Variants in RAPGEF1 observed in about 807,000 individuals in gnomAD.
The protein encoded by RAPGEF1 is CRK SH3-binding GNRP.
In RAPGEF1, 33 loss-of-function variants were observed where a neutral mutation model predicts 143.3. That is an observed-to-expected ratio of 0.23 (90% CI 0.17 to 0.31). RAPGEF1 has a LOEUF of 0.31. Ranked by LOEUF, RAPGEF1 falls within the 10% of genes least tolerant of loss-of-function variation. The pLI, the probability that RAPGEF1 is intolerant of heterozygous loss-of-function variation, is 1.00. For synonymous variants in RAPGEF1, 629 were observed against 676.5 expected, an observed-to-expected ratio of 0.93 and a Z score of 1.09; for missense variants, 1,199 against 1,645.4, an observed-to-expected ratio of 0.73 and a Z score of 4.69.
intron 12 of RAPGEF1, among the ~76,000 whole-genome samples, chr9:131,616,326 G>C (rs947614701): frequency 6.6e-6 from 1 of 152,066 alleles, no homozygotes; most frequent in African/African-American, 2.4e-5. Flanking sequence ...TAATTAATAT[G>C]TGTGCAGATG....
intron 24 of RAPGEF1, 64 bp from the exon 25 acceptor site, chr9:131,582,766 A>G (rs1952068762): frequency 1.4e-6 from 2 of 1,404,734 alleles, no homozygotes; most frequent in Admixed American, 2.4e-5. Context: ...ATGCTGGGGC[A>G]GAGCCCTGGT....
At chr9:131,581,979 C>T (rs1439413354) in intron 25 of RAPGEF1, among the ~76,000 whole-genome samples, 1 of 152,216 alleles carries the variant, frequency 6.6e-6, no homozygotes, top group Non-Finnish European at 1.5e-5. Flanking sequence ...TGCTGCTGCG[C>T]TTTTGGTCTC....
Position 131,619,154 on chromosome 9 carries a change from G to A in RAPGEF1, c.1958C>T (p.Thr653Ile). Residue 653 changes from threonine (T) to isoleucine (I), a missense_variant, in exon 12 of 27, where the codon ACT becomes ATT. Thr to Ile is a moderately conservative substitution (Grantham distance 89). Around this residue, in one of 6 missense-constraint regions of RAPGEF1, gnomAD observed 293 missense variants for 356.2 expected, o/e 0.82. Transcript: ENST00000683357. ...FSSVSHCVQQ[T>I]KVAFTPEDGS... Reference sequence around the variant, plus strand: ...GTCCTCGGGGGTGAAGGCCACTTTAGTTTGCTGGACACAGTGGGAGACAGA... The same window carrying A: ...GTCCTCGGGGGTGAAGGCCACTTTAATTTGCTGGACACAGTGGGAGACAGA... The A allele has an allele frequency of 7.6e-6, 10 of 1,315,600 alleles. No individual in the cohort carries two copies. The highest frequency in any genetic ancestry group is 1.0e-5 in the Non-Finnish European group (10 of 995,910). The allele number at this position is 1,315,600 out of a possible 1,614,324, so 81.5% of individuals were successfully genotyped here. A position where few individuals can be genotyped will look rare whatever the true frequency, so the allele number is the denominator to read the frequency against.
chr9:131,684,347 G>A (rs961272695), intron 1 of RAPGEF1, among the ~76,000 whole-genome samples: 4 of 152,188 alleles, frequency 2.6e-5, no homozygotes, highest in South Asian at 2.1e-4. Context: ...AGTGTTTTGC[G>A]GTGATGGGCA....
At chr9:131,605,220 C>G in intron 12 of RAPGEF1, 32 bp from the exon 13 acceptor site, 5 of 1,265,328 alleles carry the variant, frequency 4.0e-6, no homozygotes, top group Non-Finnish European at 5.2e-6. Context: ...CAAACAAAAA[C>G]GAGAATACAA....
intron 12 of RAPGEF1, among the ~76,000 whole-genome samples, chr9:131,612,777 G>A (rs1958236150): frequency 6.6e-6 from 1 of 152,228 alleles, no homozygotes; most frequent in African/African-American, 2.4e-5. Context: ...AGCACAGGGG[G>A]AACGCACTGC....
chr9:131,676,979 T>A (rs564796725), intron 1 of RAPGEF1, among the ~76,000 whole-genome samples: 1 of 152,384 alleles, frequency 6.6e-6, no homozygotes, highest in Admixed American at 6.5e-5. Context: ...GTGATTCTGA[T>A]ACACAGTAAG....
At chr9:131,739,041 T>C (rs1476380506) in intron 1 of RAPGEF1, among the ~76,000 whole-genome samples, 2 of 152,176 alleles carry the variant, frequency 1.3e-5, no homozygotes, top group Non-Finnish European at 2.9e-5. Flanking sequence ...TGCAGGCTAA[T>C]AAAGCCTGGG....
intron 1 of RAPGEF1, among the ~76,000 whole-genome samples, chr9:131,729,168 G>T (rs1836861146): frequency 6.6e-6 from 1 of 152,232 alleles, no homozygotes; most frequent in African/African-American, 2.4e-5. Flanking sequence ...CCACCTCTCA[G>T]CTCAGGCTCA....
intron 1 of RAPGEF1, among the ~76,000 whole-genome samples, chr9:131,708,973 TC>T (rs1338216801): frequency 6.6e-6 from 1 of 152,228 alleles, no homozygotes; most frequent in Non-Finnish European, 1.5e-5. Flanking sequence ...CCTCAAGTGA[TC>T]CGCCTACCTT....
intron 5 of RAPGEF1, among the ~76,000 whole-genome samples, chr9:131,637,189 C>T (rs1340243525): frequency 2.0e-5 from 3 of 151,330 alleles, no homozygotes; most frequent in Admixed American, 6.6e-5. Flanking sequence ...CGCACCACTG[C>T]ACTCCAGCCT....
At chr9:131,681,590 C>G (rs186556319) in intron 1 of RAPGEF1, among the ~76,000 whole-genome samples, 27 of 152,336 alleles carry the variant, frequency 1.8e-4, no homozygotes, top group African/African-American at 6.3e-4. Context: ...TTGTCTAACT[C>G]CTGCTCAGTT....
Position 131,679,098 on chromosome 9 carries a change from A to G in RAPGEF1, c.62-28149T>C, listed in dbSNP as rs562360550. Among the ~76,000 whole-genome samples the G allele has an allele frequency of 2.0e-5, 3 of 150,674 alleles. No homozygotes were observed. In the South Asian group the frequency reaches 6.4e-4, roughly 32 times the overall value. Reference sequence around the variant, plus strand: ...GGGAAATGATGAGGAGAATCCTAGGACAAATATGGCCCTAGGGTGCTGGAA... The same window carrying G: ...GGGAAATGATGAGGAGAATCCTAGGGCAAATATGGCCCTAGGGTGCTGGAA... On this transcript the variant is annotated intron_variant, in intron 1 of 26. Coordinates refer to ENST00000683357, the MANE Select transcript of RAPGEF1 (RefSeq NM_001377935.1).
chr9:131,678,432 T>A (rs1280711415), intron 1 of RAPGEF1, among the ~76,000 whole-genome samples: 1 of 152,230 alleles, frequency 6.6e-6, no homozygotes, highest in East Asian at 1.9e-4. Context: ...AACAATTTAA[T>A]ATTTTCACTC....
rs1233949353 is a variant in RAPGEF1, at chr9:131,584,795, A to G, written c.3234-199T>C. On this transcript the variant is annotated intron_variant, in intron 22 of 26. Coordinates refer to ENST00000683357, the MANE Select transcript of RAPGEF1 (RefSeq NM_001377935.1). The surrounding 1 kb of genome is among the most constrained non-coding windows in gnomAD (Gnocchi z 6.8). The stretch of plus-strand genomic sequence containing the variant: ...CATAACATCCTGGGACAGAGGCACA[A>G]GGAAATCTGGTGACAATAAATCTGG... Among the ~76,000 whole-genome samples the G allele has an allele frequency of 6.6e-6, 1 of 152,192 alleles. No homozygotes were observed. Among genetic ancestry groups the G allele is most frequent in the Non-Finnish European group, 1.5e-5 (1 of 68,044 alleles).
intron 1 of RAPGEF1, among the ~76,000 whole-genome samples, chr9:131,735,109 C>CA (rs1194791816): frequency 6.6e-5 from 10 of 151,996 alleles, no homozygotes; most frequent in Non-Finnish European, 1.0e-4. Flanking sequence ...AGGTATGGCC[C>CA]AGGAGGCCGG....
At chr9:131,707,393 G>C (rs139860277) in intron 1 of RAPGEF1, among the ~76,000 whole-genome samples, 1 of 152,180 alleles carries the variant, frequency 6.6e-6, no homozygotes, top group Non-Finnish European at 1.5e-5. Context: ...GCTTATCTTA[G>C]GTCCCCATTT....
At chr9:131,735,981 G>A (rs1287551676) in intron 1 of RAPGEF1, among the ~76,000 whole-genome samples, 4 of 152,124 alleles carry the variant, frequency 2.6e-5, no homozygotes, top group African/African-American at 9.7e-5. Context: ...CTGCCAGTCT[G>A]TGCTTAAGCT....
At chr9:131,581,222 C>T (rs957907254) in intron 25 of RAPGEF1, among the ~76,000 whole-genome samples, 1 of 151,532 alleles carries the variant, frequency 6.6e-6, no homozygotes, top group Non-Finnish European at 1.5e-5. Context: ...AGCAAGACCT[C>T]GTCCCTACAA....
Sources: gnomAD v4.1 joint callset for allele counts (sites outside exome capture counted in the v4.1 genomes callset) on GRCh38, gnomAD v4.1.1 for gene constraint, gnomAD v4.1.1 regional missense constraint, Gnocchi (gnomAD v3.1) non-coding constraint, MANE v1.5 for transcripts, NCBI Gene and HGNC (gene_info 2026-07-23, HGNC 2026-07-21) for gene names.